Variants in SEMA3A observed in about 807,000 individuals in gnomAD.
SEMA3A encodes semaphorin-3A.
In SEMA3A, 29 loss-of-function variants were observed where a neutral mutation model predicts 97.9. That is an observed-to-expected ratio of 0.30 (90% CI 0.22 to 0.40). SEMA3A has a LOEUF of 0.40. Ranked by LOEUF, SEMA3A falls within the 10% of genes least tolerant of loss-of-function variation. SEMA3A has a pLI of 1.00. For missense variants in SEMA3A, 763 were observed against 951.3 expected (o/e 0.80, Z 2.60); for synonymous variants, 321 against 323.7 (o/e 0.99, Z 0.09).
intron 2 of SEMA3A, among the ~76,000 whole-genome samples, chr7:84,311,175 T>C (rs1264372656): frequency 2.0e-5 from 3 of 151,970 alleles, no homozygotes; most frequent in Admixed American, 2.0e-4. Context: ...GGCAAGGTTT[T>C]AGGTGCAAAA....
chr7:84,217,211 T>G (rs1798771969), intron 3 of SEMA3A, among the ~76,000 whole-genome samples: 2 of 152,078 alleles, frequency 1.3e-5, no homozygotes, highest in African/African-American at 4.8e-5. Context: ...GAATTTAAAT[T>G]TCATTCATAA....
upstream of SEMA3A, among the ~76,000 whole-genome samples, chr7:84,199,556 T>C (rs1798306754): frequency 6.6e-6 from 1 of 151,328 alleles, no homozygotes; most frequent in Non-Finnish European, 1.5e-5. Flanking sequence ...AATCAACATC[T>C]GTTATTTCCG....
intron 3 of SEMA3A, among the ~76,000 whole-genome samples, chr7:84,210,359 A>G (rs1010043815): frequency 2.6e-5 from 4 of 152,200 alleles, no homozygotes; most frequent in Admixed American, 1.3e-4. Flanking sequence ...TGGGTCTTAA[A>G]TGATGAGTAA....
intron 3 of SEMA3A, among the ~76,000 whole-genome samples, chr7:84,277,704 G>T (rs115708764): frequency 1.3e-5 from 2 of 152,050 alleles, no homozygotes; most frequent in Non-Finnish European, 2.9e-5. Context: ...TTCAGGGGGG[G>T]CCTCAGGAAA....
At chr7:83,985,550 G>T in intron 12 of SEMA3A, 73 bp from the exon 13 acceptor site, 1 of 1,199,796 alleles carries the variant, frequency 8.3e-7, no homozygotes, top group Non-Finnish European at 1.2e-6. Context: ...TTAACTCAAG[G>T]CACTGCCATT....
At chr7:84,475,703 T>C (rs1000913742) in intron 1 of SEMA3A, among the ~76,000 whole-genome samples, 1 of 152,178 alleles carries the variant, frequency 6.6e-6, no homozygotes, top group African/African-American at 2.4e-5. Context: ...ATTTGTTAAC[T>C]TACAGATGAT....
intron 5 of SEMA3A, among the ~76,000 whole-genome samples, chr7:84,049,082 A>T (rs1385561369): frequency 2.0e-5 from 3 of 152,130 alleles, no homozygotes; most frequent in Non-Finnish European, 4.4e-5. Context: ...AAAGTAGAAC[A>T]GGTATTCAGT....
intron 1 of SEMA3A, among the ~76,000 whole-genome samples, chr7:84,426,010 T>C (rs1467018099): frequency 1.3e-5 from 2 of 151,570 alleles, no homozygotes; most frequent in South Asian, 2.1e-4. Context: ...TTCTCATTTA[T>C]ATTTGGCAGC....
chr7:84,401,405 G>C (rs1803899056), intron 1 of SEMA3A, among the ~76,000 whole-genome samples: 1 of 150,998 alleles, frequency 6.6e-6, no homozygotes, highest in Non-Finnish European at 1.5e-5. Flanking sequence ...TGAAAGAATT[G>C]TGTTAAAATG....
intron 4 of SEMA3A, among the ~76,000 whole-genome samples, chr7:84,062,427 C>T (rs557439034): frequency 2.6e-5 from 4 of 152,154 alleles, no homozygotes; most frequent in African/African-American, 4.8e-5. Flanking sequence ...CCAAGATGGC[C>T]GAATAGGAAC....
In SEMA3A at chr7:83,961,337, T is replaced by A; in HGVS notation, c.*34A>T. The A allele has an allele frequency of 1.3e-6, 2 of 1,548,534 alleles. No individual in the cohort carries two copies. The highest frequency in any genetic ancestry group is 1.8e-6 in the Non-Finnish European group (2 of 1,122,536). Reference sequence around the variant, plus strand: ...TTTCCAGTTATTGTCTAGGCAAGTTTCTACTTGTTTGAGGTTTCTAGAGGT... The same window carrying A: ...TTTCCAGTTATTGTCTAGGCAAGTTACTACTTGTTTGAGGTTTCTAGAGGT... On this transcript the variant is annotated 3_prime_UTR_variant, in exon 17 of 17. Transcript: ENST00000265362.
chr7:84,475,420 T>G (rs532223767), intron 1 of SEMA3A, among the ~76,000 whole-genome samples: 11 of 152,298 alleles, frequency 7.2e-5, no homozygotes, highest in African/African-American at 2.6e-4. Flanking sequence ...AGGAAACAGA[T>G]AGAATTTCCT....
intron 11 of SEMA3A, 60 bp from the exon 12 acceptor site, chr7:84,002,106 T>C: frequency 1.1e-6 from 1 of 909,192 alleles, no homozygotes; most frequent in Non-Finnish European, 1.7e-6. Flanking sequence ...AGATTAGTGT[T>C]AATGAATGAA....
intron 2 of SEMA3A, among the ~76,000 whole-genome samples, chr7:84,360,970 A>C (rs1802704070): frequency 6.6e-6 from 1 of 152,068 alleles, no homozygotes; most frequent in Non-Finnish European, 1.5e-5. Context: ...AAAATTTAAA[A>C]TATACAGGTA....
intron 2 of SEMA3A, among the ~76,000 whole-genome samples, chr7:84,326,742 T>C (rs549233020): frequency 1.3e-5 from 2 of 152,100 alleles, no homozygotes; most frequent in South Asian, 2.1e-4. Context: ...TATTCAATAA[T>C]GGTGCTGGGA....
intron 12 of SEMA3A, among the ~76,000 whole-genome samples, chr7:83,992,652 G>A (rs1451996176): frequency 1.3e-5 from 2 of 151,552 alleles, no homozygotes; most frequent in African/African-American, 4.8e-5. Flanking sequence ...TTAATCCTGA[G>A]TTCTAGTTTG....
chr7:84,007,502 A>G lies in SEMA3A; in HGVS notation c.996-5T>C. On this transcript the variant is annotated splice_polypyrimidine_tract_variant and splice_region_variant and intron_variant, in intron 9 of 16. Coordinates refer to ENST00000265362, the MANE Select transcript of SEMA3A (RefSeq NM_006080.3). The stretch of plus-strand genomic sequence containing the variant: ...GCTGATCCCTTGAAAATGTTACTGA[A>G]CAAGACAGCAAGAATAAAAACAGAA... 1 of 1,533,092 alleles carries G rather than the reference A, an allele frequency of 6.5e-7. No homozygotes were observed. The highest frequency in any genetic ancestry group is 8.8e-7 in the Non-Finnish European group (1 of 1,137,718). 95.0% of individuals were successfully genotyped at this position (1,533,092 alleles called of 1,614,324 possible). A position where few individuals can be genotyped will look rare whatever the true frequency, so the allele number is the denominator to read the frequency against.
Position 84,479,252 on chromosome 7 carries a change from T to C in SEMA3A, c.-246+13208A>G, listed in dbSNP as rs142594174. Among the ~76,000 whole-genome samples the C allele has an allele frequency of 3.0e-4, 46 of 152,250 alleles. No homozygotes were observed. In the East Asian group the frequency reaches 8.3e-3, roughly 27 times the overall value. On this transcript the variant is annotated intron_variant, in intron 1 of 3. Transcript: ENST00000424555. The stretch of plus-strand genomic sequence containing the variant: ...ACAGTGATTAAGGTTAATGGCTAAG[T>C]GCTTAAGGTTAAGTGCTATATTTAC...
At chr7:84,364,509 C>T (rs1302984759) in intron 2 of SEMA3A, among the ~76,000 whole-genome samples, 1 of 151,510 alleles carries the variant, frequency 6.6e-6, no homozygotes, top group Non-Finnish European at 1.5e-5. Context: ...TGAATTTTTA[C>T]ATTTAATTAT....
Sources: gnomAD v4.1 joint callset for allele counts (sites outside exome capture counted in the v4.1 genomes callset) on GRCh38, gnomAD v4.1.1 for gene constraint, MANE v1.5 for transcripts, NCBI Gene and HGNC (gene_info 2026-07-23, HGNC 2026-07-21) for gene names.